STIM2: variants seen among roughly 807,000 people sequenced by gnomAD.
STIM2 encodes the protein stromal interaction molecule 2.
Under a neutral mutation model 85.8 loss-of-function variants are expected in STIM2, and 31 were observed. The observed-to-expected ratio is 0.36, with a 90% CI of 0.27 to 0.49. STIM2 has a LOEUF of 0.49. Among genes scored for constraint, STIM2 ranks in the 20% least tolerant of loss-of-function variants. The pLI is 0.98. For missense variants in STIM2, 841 were observed against 927.6 expected (o/e 0.91, Z 1.21); for synonymous variants, 356 against 331.1 (o/e 1.08, Z -0.82).
chr4:27,017,854 C>T lies in STIM2; in HGVS notation c.1633C>T (p.His545Tyr). ...CCACCCGTCACACCCTCGGCACCCT[C>T]ACCACCCGCAACACACACCACACTC... Residue 545 changes from histidine (H) to tyrosine (Y), a missense_variant, in exon 11 of 12, where the codon CAC becomes TAC. This residue lies in a region of STIM2 where 293 missense variants were observed against 284.5 expected (regional missense o/e 1.03). Transcript: ENST00000467087. The T allele has an allele frequency of 6.2e-7, 1 of 1,614,150 alleles. No homozygotes were observed. Among genetic ancestry groups the T allele is most frequent in the Non-Finnish European group, 8.5e-7 (1 of 1,180,024 alleles).
intron 2 of STIM2, among the ~76,000 whole-genome samples, chr4:26,948,430 C>G (rs1317323885): frequency 2.0e-5 from 3 of 152,136 alleles, no homozygotes; most frequent in African/African-American, 4.8e-5. Flanking sequence ...ACTGGCAGAC[C>G]GTGACATGTT....
At chr4:26,997,114 C>G (rs1727984966) in intron 4 of STIM2, among the ~76,000 whole-genome samples, 1 of 152,006 alleles carries the variant, frequency 6.6e-6, no homozygotes, top group East Asian at 1.9e-4. Flanking sequence ...CCTTAAGCCC[C>G]TATTATATAG....
At chr4:26,880,061 G>C (rs1722946802) in intron 1 of STIM2, among the ~76,000 whole-genome samples, 1 of 152,130 alleles carries the variant, frequency 6.6e-6, no homozygotes, top group Admixed American at 6.6e-5. Context: ...CGCTTTAGAG[G>C]CTTATGTAAT....
chr4:26,896,525 C>A (rs985847573), intron 1 of STIM2, among the ~76,000 whole-genome samples: 30 of 152,180 alleles, frequency 2.0e-4, no homozygotes, highest in African/African-American at 6.5e-4. Flanking sequence ...TGCCTTGACT[C>A]TTCTTGCCTG....
intron 2 of STIM2, among the ~76,000 whole-genome samples, chr4:26,953,344 C>A (rs190997597): frequency 3.3e-5 from 5 of 152,248 alleles, no homozygotes; most frequent in Admixed American, 6.5e-5. Flanking sequence ...AATATTTTGT[C>A]TAACACTTTT....
At chr4:26,881,405 G>T (rs1723008935) in intron 1 of STIM2, 1 of 150,762 alleles carries the variant, frequency 6.6e-6, no homozygotes, top group African/African-American at 2.4e-5. Context: ...GGCAGAGGTT[G>T]CAGTGAGCTG....
chr4:26,906,440 GTTTT>G (rs1211425958), intron 1 of STIM2, among the ~76,000 whole-genome samples: 1 of 116,128 alleles, frequency 8.6e-6, no homozygotes. Context: ...AAGTTTGTTT[GTTTT>G]TTTTTTTTTT....
intron 2 of STIM2, among the ~76,000 whole-genome samples, chr4:26,936,851 G>A (rs746182217): frequency 2.0e-5 from 3 of 152,064 alleles, no homozygotes; most frequent in Admixed American, 6.6e-5. Context: ...GTTCAGTGGC[G>A]TGAACATGAC....
intron 10 of STIM2, among the ~76,000 whole-genome samples, chr4:27,010,692 T>C (rs1359068207): frequency 2.0e-5 from 3 of 152,118 alleles, no homozygotes; most frequent in Non-Finnish European, 4.4e-5. Flanking sequence ...TTTTTTACCA[T>C]GGATATGTGT....
intron 3 of STIM2, among the ~76,000 whole-genome samples, chr4:26,979,068 A>G (rs1727293912): frequency 6.6e-6 from 1 of 152,134 alleles, no homozygotes. Flanking sequence ...ATTAAATCCC[A>G]TTTTGGTATT....
At chr4:26,871,954 T>A (rs1236514068) in intron 1 of STIM2, among the ~76,000 whole-genome samples, 1 of 152,202 alleles carries the variant, frequency 6.6e-6, no homozygotes, top group Non-Finnish European at 1.5e-5. Flanking sequence ...GGTAGATGAT[T>A]TAGTCTGTTA....
intron 2 of STIM2, among the ~76,000 whole-genome samples, chr4:26,946,523 C>G (rs1435973561): frequency 6.6e-6 from 1 of 152,194 alleles, no homozygotes; most frequent in East Asian, 1.9e-4. Context: ...AGGGGCCTCA[C>G]TATTTGCTGC....
In STIM2 at chr4:26,860,902, G is replaced by C; in HGVS notation, c.-317G>C. ...CGGGTGTCGTGCACCGCCTGAAGAC[G>C]CCGTACCTTTCTACCCCCCACCTTT... On this transcript the variant is annotated 5_prime_UTR_variant, in exon 1 of 12. Coordinates refer to ENST00000467087, the MANE Select transcript of STIM2 (RefSeq NM_020860.4). The C allele has an allele frequency of 9.2e-7, 1 of 1,089,032 alleles. No homozygotes were observed. The highest frequency in any genetic ancestry group is 1.1e-6 in the Non-Finnish European group (1 of 882,856). The allele number at this position is 1,089,032 out of a possible 1,614,324, so 67.5% of individuals were successfully genotyped here.
intron 2 of STIM2, among the ~76,000 whole-genome samples, chr4:26,952,302 C>G (rs537148702): frequency 6.6e-6 from 1 of 152,146 alleles, no homozygotes; most frequent in African/African-American, 2.4e-5. Context: ...TTTGGTATTG[C>G]TGTTGTTTGT....
chr4:26,894,564 T>C (rs1560198267), intron 1 of STIM2, among the ~76,000 whole-genome samples: 2 of 152,070 alleles, frequency 1.3e-5, no homozygotes, highest in Non-Finnish European at 2.9e-5. Context: ...CAAGTTTGAA[T>C]TTTCCCCACT....
At chr4:27,020,650 T>C (rs867690475) in intron 11 of STIM2, among the ~76,000 whole-genome samples, 1 of 152,226 alleles carries the variant, frequency 6.6e-6, no homozygotes, top group Non-Finnish European at 1.5e-5. Flanking sequence ...GGTATTAACA[T>C]AGAATATTCA....
intron 1 of STIM2, among the ~76,000 whole-genome samples, chr4:26,864,507 C>T (rs1366485496): frequency 1.3e-5 from 2 of 151,858 alleles, no homozygotes; most frequent in Non-Finnish European, 1.5e-5. Context: ...AAAAAAATGC[C>T]GAATAATTGA....
rs1054249454 is a variant in STIM2, at chr4:26,891,556, CAT to C, written c.152-27946_152-27945del. Among the ~76,000 whole-genome samples the C allele has an allele frequency of 2.4e-4, 24 of 100,218 alleles. No homozygotes were observed. The East Asian group carries it at 3.4e-3, about 14-fold the overall frequency. 65.7% of individuals were successfully genotyped at this position (100,218 alleles called of 152,430 possible). A position where few individuals can be genotyped will look rare whatever the true frequency, so the allele number is the denominator to read the frequency against. ...ACATATAAAGATATGTGTATACATA[CAT>C]ACACACACACACACACACACACACA... On this transcript the variant is annotated intron_variant, in intron 1 of 11. Coordinates refer to ENST00000467087, the MANE Select transcript of STIM2 (RefSeq NM_020860.4).
chr4:26,913,970 C>T (rs1268433484), intron 1 of STIM2, among the ~76,000 whole-genome samples: 1 of 152,088 alleles, frequency 6.6e-6, no homozygotes, highest in Non-Finnish European at 1.5e-5. Context: ...AAGGAGAAGG[C>T]TATCTTACAT....
Sources: gnomAD v4.1 joint callset for allele counts (sites outside exome capture counted in the v4.1 genomes callset) on GRCh38, gnomAD v4.1.1 for gene constraint, gnomAD v4.1.1 regional missense constraint, MANE v1.5 for transcripts, NCBI Gene and HGNC (gene_info 2026-07-23, HGNC 2026-07-21) for gene names.